The following ROBO1 variants were observed in gnomAD, a reference collection of about 807,000 sequenced individuals.
ROBO1 encodes roundabout homolog 1.
Under a neutral mutation model 195.9 loss-of-function variants are expected in ROBO1, and 149 were observed. The ratio of observed to expected loss-of-function variants is 0.76; its 90% CI spans 0.67 to 0.87. The LOEUF (loss-of-function observed/expected upper bound fraction) is 0.87, where lower values mean the gene tolerates loss of function less well. Ranked by LOEUF, ROBO1 falls within the 40% of genes least tolerant of loss-of-function variation. The pLI, the probability that ROBO1 is intolerant of heterozygous loss-of-function variation, is 0.00. For synonymous variants in ROBO1, 816 were observed against 733.2 expected, an observed-to-expected ratio of 1.11 and a Z score of -1.82; for missense variants, 1,933 against 2,068.3, an observed-to-expected ratio of 0.93 and a Z score of 1.27.
chr3:78,721,781 T>C (rs981563233), intron 5 of ROBO1, among the ~76,000 whole-genome samples: 6 of 152,192 alleles, frequency 3.9e-5, no homozygotes, highest in Non-Finnish European at 8.8e-5. Context: ...TAATTTACTG[T>C]TACAAATCTT....
chr3:78,880,867 G>A (rs1576336627), intron 4 of ROBO1, among the ~76,000 whole-genome samples: 1 of 152,264 alleles, frequency 6.6e-6, no homozygotes, highest in South Asian at 2.1e-4. Flanking sequence ...GTCTGTTCAA[G>A]TAAAATTGGG....
At chr3:79,051,114 C>A (rs1167106838) in intron 3 of ROBO1, among the ~76,000 whole-genome samples, 1 of 152,026 alleles carries the variant, frequency 6.6e-6, no homozygotes, top group African/African-American at 2.4e-5. Context: ...ATCAATGAAT[C>A]CAGGAACTGG....
At chr3:79,243,661 G>A (rs1226585238) in intron 2 of ROBO1, among the ~76,000 whole-genome samples, 248 of 151,966 alleles carry the variant, frequency 1.6e-3, no homozygotes, top group African/African-American at 5.1e-3. Flanking sequence ...CATATCCTTC[G>A]CCCACTTTTT....
At chr3:79,683,017 T>A (rs13073837) in intron 1 of ROBO1, among the ~76,000 whole-genome samples, 43,423 of 151,948 alleles carry the variant, frequency 0.29, 7,231 homozygotes, top group African/African-American at 0.47. Flanking sequence ...GAAGTATTTT[T>A]AATCATATCA....
rs778143695 is a variant in ROBO1 at position 79,260,255 on chromosome 3, TA to T, written c.89-134717del. ...ATCACATGAGTTTCTTTATCATAAA[TA>T]TCATATTATTTAAAATGTGCTCTGG... On this transcript the variant is annotated intron_variant, in intron 2 of 30. Coordinates refer to ENST00000464233, the MANE Select transcript of ROBO1 (RefSeq NM_002941.4). Among the ~76,000 whole-genome samples the T allele has an allele frequency of 2.6e-5, 4 of 151,646 alleles. No homozygotes were observed. In the East Asian group the frequency reaches 7.7e-4, roughly 29 times the overall value.
At chr3:79,562,252 A>G (rs1472977081) in intron 2 of ROBO1, among the ~76,000 whole-genome samples, 3 of 121,014 alleles carry the variant, frequency 2.5e-5, no homozygotes, top group African/African-American at 1.1e-4. Context: ...AATCATGCCT[A>G]CTTTAATATT....
intron 1 of ROBO1, among the ~76,000 whole-genome samples, chr3:79,643,557 T>A (rs1486507934): frequency 6.6e-6 from 1 of 151,916 alleles, no homozygotes. Context: ...GTGGGAGAAA[T>A]GGAGTTAAAG....
chr3:79,646,403 G>A (rs908238527), intron 1 of ROBO1, among the ~76,000 whole-genome samples: 7 of 151,972 alleles, frequency 4.6e-5, no homozygotes, highest in Non-Finnish European at 7.4e-5. Flanking sequence ...AAAATGACAG[G>A]GAACAACAAA....
At chr3:79,179,968 T>C (rs2081314063) in intron 2 of ROBO1, among the ~76,000 whole-genome samples, 1 of 152,232 alleles carries the variant, frequency 6.6e-6, no homozygotes, top group Admixed American at 6.5e-5. Context: ...CTTTCTCCTA[T>C]ATTTTAATAG....
At chr3:79,569,874 C>T (rs34758639) in intron 2 of ROBO1, among the ~76,000 whole-genome samples, 28 of 151,686 alleles carry the variant, frequency 1.8e-4, no homozygotes, top group Non-Finnish European at 3.7e-4. Flanking sequence ...AAAGGAGAGA[C>T]GATCCCTTGA....
At chr3:79,056,012 C>T (rs150547840) in intron 3 of ROBO1, among the ~76,000 whole-genome samples, 1,941 of 152,138 alleles carry the variant, frequency 0.013, 21 homozygotes, top group Non-Finnish European at 0.019. Context: ...AGATGGTAAC[C>T]GATTTAAGGG....
At chr3:78,935,683 A>G (rs2039766719) in intron 4 of ROBO1, among the ~76,000 whole-genome samples, 1 of 152,072 alleles carries the variant, frequency 6.6e-6, no homozygotes, top group Non-Finnish European at 1.5e-5. Context: ...ACAAATAGTG[A>G]GTTTTTATGT....
chr3:78,708,985 T>C (rs144228310), intron 8 of ROBO1, among the ~76,000 whole-genome samples: 2 of 152,284 alleles, frequency 1.3e-5, no homozygotes, highest in East Asian at 1.9e-4. Context: ...TTGATTTTGT[T>C]TGTGTATTTT....
chr3:79,237,932 A>G (rs982447467), intron 2 of ROBO1, among the ~76,000 whole-genome samples: 5 of 152,178 alleles, frequency 3.3e-5, no homozygotes, highest in Non-Finnish European at 5.9e-5. Flanking sequence ...TGTAAAACAG[A>G]GAACATGATA....
At chr3:79,569,671 G>A (rs1275398781) in intron 2 of ROBO1, among the ~76,000 whole-genome samples, 1 of 108,198 alleles carries the variant, frequency 9.2e-6, no homozygotes, top group Admixed American at 8.6e-5. Context: ...GTGTGTGTGT[G>A]TGTATATATG....
chr3:79,729,306 C>T (rs536353788), intron 1 of ROBO1, among the ~76,000 whole-genome samples: 1 of 152,132 alleles, frequency 6.6e-6, no homozygotes, highest in Non-Finnish European at 1.5e-5. Context: ...GGAATGAAGT[C>T]GGCCTCTGGC....
intron 8 of ROBO1, among the ~76,000 whole-genome samples, chr3:78,703,555 T>A (rs1045516779): frequency 6.6e-6 from 1 of 151,992 alleles, no homozygotes; most frequent in Non-Finnish European, 1.5e-5. Context: ...CAGTTGAAAA[T>A]TTTTTAATCC....
chr3:78,745,346 A>G (rs2082632581), intron 5 of ROBO1, among the ~76,000 whole-genome samples: 1 of 151,592 alleles, frequency 6.6e-6, no homozygotes, highest in Admixed American at 6.6e-5. Flanking sequence ...ACTAACTTAT[A>G]TTAAACATGA....
At chr3:79,298,653 G>A (rs2032725015) in intron 2 of ROBO1, among the ~76,000 whole-genome samples, 1 of 152,058 alleles carries the variant, frequency 6.6e-6, no homozygotes, top group Admixed American at 6.6e-5. Flanking sequence ...AGTCCATAAA[G>A]TTGTTTTGGG....
Sources: gnomAD v4.1 joint callset for allele counts (sites outside exome capture counted in the v4.1 genomes callset) on GRCh38, gnomAD v4.1.1 for gene constraint, MANE v1.5 for transcripts, NCBI Gene and HGNC (gene_info 2026-07-23, HGNC 2026-07-21) for gene names.